MACF1: variants seen among roughly 807,000 people sequenced by gnomAD.
MACF1 encodes microtubule actin crosslinking factor 1.
A neutral mutation model predicts 854.8 loss-of-function variants in MACF1; 193 were observed. The observed-to-expected ratio is 0.23, with a 90% CI of 0.20 to 0.25. The LOEUF (loss-of-function observed/expected upper bound fraction) is 0.25. MACF1 is among the 10% of genes least tolerant of loss of function. MACF1 has a pLI of 1.00. For synonymous variants in MACF1, 3,185 were observed against 3,226.7 expected, an observed-to-expected ratio of 0.99 and a Z score of 0.44; for missense variants, 7,722 against 8,929.1, an observed-to-expected ratio of 0.86 and a Z score of 5.45.
chr1:39,253,179 C>T (rs998246392), intron 4 of MACF1, among the ~76,000 whole-genome samples: 1 of 152,188 alleles, frequency 6.6e-6, no homozygotes, highest in Non-Finnish European at 1.5e-5. Context: ...AGACTGCATT[C>T]ACTTTCCAAC....
intron 6 of MACF1, chr1:39,268,482 T>A: frequency 8.9e-7 from 1 of 1,123,962 alleles, no homozygotes; most frequent in Non-Finnish European, 1.1e-6. Flanking sequence ...GAATTTGTCT[T>A]GTTGCAGCTC....
intron 36 of MACF1, chr1:39,328,564 C>G (rs1011963687): frequency 6.6e-6 from 1 of 152,164 alleles, no homozygotes; most frequent in Non-Finnish European, 1.5e-5. Flanking sequence ...GAAAAGAGGA[C>G]GACCTGTTTG....
intron 95 of MACF1, 116 bp from the exon 96 acceptor site, chr1:39,468,496 TAAC>T (rs1644714469): frequency 1.3e-6 from 1 of 748,632 alleles, no homozygotes; most frequent in Non-Finnish European, 2.1e-6. Flanking sequence ...TTGTGAGAGT[TAAC>T]AATTCTTCTG....
intron 58 of MACF1, among the ~76,000 whole-genome samples, chr1:39,403,053 T>A (rs1642537358): frequency 6.7e-6 from 1 of 149,720 alleles, no homozygotes; most frequent in Non-Finnish European, 1.5e-5. Flanking sequence ...GTTTTTTTTG[T>A]TTGGTTTGGT....
chr1:39,269,378 G>A, intron 6 of MACF1: 1 of 1,289,872 alleles, frequency 7.8e-7, no homozygotes. Context: ...AAGGAACCAA[G>A]AGTGTTTCAG....
In MACF1 at chr1:39,259,313, T is replaced by G. The variant is rs186821644; in HGVS notation, c.528+1285T>G. Among the ~76,000 whole-genome samples, 305 of 152,272 alleles carry G rather than the reference T, an allele frequency of 2.0e-3. 2 individuals carry two copies. The highest frequency in any genetic ancestry group is 7.1e-3 in the African/African-American group (295 of 41,554). ...TTTTTGACCGAGTTTTGCTCTTGGA[T>G]TGCAATGATGTGTTCTTGGCTCACT... is the stretch of plus-strand genomic sequence containing the variant. On this transcript the variant is annotated intron_variant, in intron 6 of 100. Coordinates refer to ENST00000564288, the MANE Select transcript of MACF1 (RefSeq NM_001394062.1).
chr1:39,331,026 C>T, intron 36 of MACF1, 177 bp from the exon 37 acceptor site: 4 of 838,714 alleles, frequency 4.8e-6, no homozygotes, highest in Non-Finnish European at 5.1e-6. Context: ...GTCTCAGACT[C>T]CTGACCTCAT....
At chr1:39,093,400 C>G (rs1306814324) in intron 2 of MACF1, among the ~76,000 whole-genome samples, 1 of 150,382 alleles carries the variant, frequency 6.6e-6, no homozygotes, top group Non-Finnish European at 1.5e-5. Flanking sequence ...ATTGCAACCA[C>G]CGCCTCCTGG....
At chr1:39,464,926 A>G in intron 94 of MACF1, 169 bp from the exon 95 acceptor site, 1 of 607,498 alleles carries the variant, frequency 1.6e-6, no homozygotes. Flanking sequence ...AAAAAAAAAA[A>G]TTAAAACCAC....
At chr1:39,393,196 A>AAAAAAAAAAAAAAATATATATAT (rs57576149) in intron 58 of MACF1, among the ~76,000 whole-genome samples, 1 of 66,566 alleles carries the variant, frequency 1.5e-5, no homozygotes, top group Non-Finnish European at 2.6e-5. Context: ...AAAAAAAAAA[A>AAAAAAAAAAAAAAATATATATAT]ATATATATAT....
At chr1:39,476,541 A>G (rs1644886663) in intron 97 of MACF1, among the ~76,000 whole-genome samples, 1 of 152,000 alleles carries the variant, frequency 6.6e-6, no homozygotes, top group Admixed American at 6.6e-5. Flanking sequence ...ACTGCACTCC[A>G]GCCTGGGCAA....
intron 52 of MACF1, among the ~76,000 whole-genome samples, chr1:39,374,582 T>C (rs866179492): frequency 2.4e-4 from 36 of 152,130 alleles, no homozygotes; most frequent in South Asian, 1.2e-3. Flanking sequence ...GGGTATATGG[T>C]CTCTGTCACA....
intron 6 of MACF1, among the ~76,000 whole-genome samples, chr1:39,280,224 T>C (rs1645516978): frequency 6.6e-6 from 1 of 152,180 alleles, no homozygotes; most frequent in African/African-American, 2.4e-5. Flanking sequence ...TTGCTTATTT[T>C]TATTATTTCA....
chr1:39,130,234 C>A (rs1642965210), intron 2 of MACF1, among the ~76,000 whole-genome samples: 1 of 152,166 alleles, frequency 6.6e-6, no homozygotes, highest in Non-Finnish European at 1.5e-5. Flanking sequence ...ATAAATATAG[C>A]CAACACCCTA....
chr1:39,479,364 A>G (rs1644973154), intron 97 of MACF1, among the ~76,000 whole-genome samples: 1 of 152,198 alleles, frequency 6.6e-6, no homozygotes, highest in African/African-American at 2.4e-5. Context: ...TATCGATTTC[A>G]GTAATGTTTT....
chr1:39,226,911 GT>G (rs1292256996), intron 1 of MACF1, among the ~76,000 whole-genome samples: 1 of 152,184 alleles, frequency 6.6e-6, no homozygotes, highest in Non-Finnish European at 1.5e-5. Flanking sequence ...GAATCAGACT[GT>G]TTTTGGCTAT....
intron 2 of MACF1, among the ~76,000 whole-genome samples, chr1:39,191,122 G>A (rs192371810): frequency 6.6e-6 from 1 of 151,924 alleles, no homozygotes; most frequent in East Asian, 1.9e-4. Flanking sequence ...GTAGGCAACT[G>A]TATTGAAGGT....
At position 39,333,511 on chromosome 1, in the gene MACF1, T is replaced by C; in HGVS notation, c.6923T>C (p.Leu2308Pro). The C allele has an allele frequency of 6.2e-7, 1 of 1,614,184 alleles. No individual in the cohort carries two copies. Among genetic ancestry groups the C allele is most frequent in the Non-Finnish European group, 8.5e-7 (1 of 1,180,012 alleles). ...FHEQTGQKLLLNEAISRGIVP... is the reference protein window; with the variant it reads ...FHEQTGQKLLPNEAISRGIVP... ...GAACAAACAGGTCAAAAGCTCTTACTAAATGAAGCAATATCCCGAGGCATT... is the reference window on the plus strand; with the variant it reads ...GAACAAACAGGTCAAAAGCTCTTACCAAATGAAGCAATATCCCGAGGCATT... The change falls in exon 37 of 101, where the codon CTA (leucine) becomes CCA (proline). Residue 2308 changes from leucine (L) to proline (P), a missense_variant. By Grantham distance (98) the Leu-to-Pro change is moderately conservative. This residue lies in a region of MACF1 where 1,531 missense variants were observed against 1,601.6 expected (regional missense o/e 0.96). Transcript: ENST00000564288.
chr1:39,452,555 A>G (rs1644359635), intron 86 of MACF1, 129 bp from the exon 87 acceptor site: 2 of 1,248,734 alleles, frequency 1.6e-6, no homozygotes, highest in Non-Finnish European at 2.2e-6. Flanking sequence ...AATGAAAGAT[A>G]ACCTTTGTGG....
Sources: gnomAD v4.1 joint callset for allele counts (sites outside exome capture counted in the v4.1 genomes callset) on GRCh38, gnomAD v4.1.1 for gene constraint, gnomAD v4.1.1 regional missense constraint, MANE v1.5 for transcripts, NCBI Gene and HGNC (gene_info 2026-07-23, HGNC 2026-07-21) for gene names.